The following RSPH1 variants were observed in gnomAD, a reference collection of about 807,000 sequenced individuals.
The protein encoded by RSPH1 is radial spoke head 1 homolog.
In RSPH1, 32 loss-of-function variants were observed where a neutral mutation model predicts 44.2. The observed-to-expected ratio is 0.72, with a 90% CI of 0.55 to 0.97. The LOEUF (loss-of-function observed/expected upper bound fraction) is 0.97, where lower values mean the gene tolerates loss of function less well. RSPH1 is among the 50% of genes least tolerant of loss of function. The pLI is 0.00. For synonymous variants in RSPH1, 134 were observed against 147.3 expected, an observed-to-expected ratio of 0.91 and a Z score of 0.65; for missense variants, 391 against 398.7, an observed-to-expected ratio of 0.98 and a Z score of 0.16.
chr21:42,484,922 C>G (rs904024717), intron 5 of RSPH1: 21 of 152,236 alleles, frequency 1.4e-4, no homozygotes, highest in African/African-American at 4.8e-4. Flanking sequence ...CTAAGAGAGT[C>G]TGAAGAGACT....
intron 8 of RSPH1, 33 bp downstream of exon 8, chr21:42,475,865 C>T: frequency 6.2e-7 from 1 of 1,605,358 alleles, no homozygotes; most frequent in South Asian, 1.1e-5. Context: ...TAAGTGCGGG[C>T]CCTCGCCCCA....
chr21:42,475,660 G>A (rs1434996118), intron 8 of RSPH1, among the ~76,000 whole-genome samples: 7 of 142,330 alleles, frequency 4.9e-5, no homozygotes, highest in African/African-American at 7.8e-5. Context: ...CTGTGACAAC[G>A]CGCATGGGCA....
intron 1 of RSPH1, chr21:42,495,915 C>T: frequency 3.6e-6 from 2 of 551,320 alleles, no homozygotes; most frequent in South Asian, 4.7e-5. Context: ...AAGAACGAGG[C>T]GGCATGTGGT....
intron 6 of RSPH1, 115 bp from the exon 7 acceptor site, chr21:42,477,559 G>T (rs1306975979): frequency 1.9e-6 from 2 of 1,046,562 alleles, no homozygotes; most frequent in African/African-American, 1.6e-5. Context: ...TTGTGTTTCA[G>T]CCTTTTTAGG....
At chr21:42,478,449 C>T (rs923700173) in intron 6 of RSPH1, among the ~76,000 whole-genome samples, 2 of 152,208 alleles carry the variant, frequency 1.3e-5, no homozygotes, top group African/African-American at 4.8e-5. Flanking sequence ...CTAGCCCCAC[C>T]CCCAGAGTTT....
chr21:42,477,576 C>T, intron 6 of RSPH1, 132 bp from the exon 7 acceptor site: 2 of 861,730 alleles, frequency 2.3e-6, no homozygotes, highest in Non-Finnish European at 3.7e-6. Context: ...TAGGACGTCA[C>T]TCAGGAATCA....
At chr21:42,477,816 C>T (rs900917857) in intron 6 of RSPH1, among the ~76,000 whole-genome samples, 5 of 152,114 alleles carry the variant, frequency 3.3e-5, no homozygotes, top group Admixed American at 6.5e-5. Flanking sequence ...TTCAATTGTT[C>T]GGCCACATTT....
At chr21:42,483,317 T>G (rs951909604) in intron 5 of RSPH1, among the ~76,000 whole-genome samples, 5 of 152,108 alleles carry the variant, frequency 3.3e-5, no homozygotes, top group Non-Finnish European at 7.4e-5. Flanking sequence ...GATACCATCC[T>G]TAAATTCTCA....
rs370195527 is a variant in RSPH1, at chr21:42,493,607, G to A, written c.55-528C>T. ...GACCTTTGCCCTGCAAGGAATTTCC[G>A]ATGGAAGGGACAGGTTGGAGGGCAC... On this transcript the variant is annotated intron_variant, in intron 1 of 8. Transcript: ENST00000291536. 1.5e-4 allele frequency among the ~76,000 whole-genome samples: 23 copies of A among 152,314 alleles called. 2 individuals are homozygous for A. Among genetic ancestry groups the A allele is most frequent in the Admixed American group, 2.6e-4 (4 of 15,308 alleles).
In RSPH1 at chr21:42,492,606, A is replaced by G. The variant is rs529221415; in HGVS notation, c.274+152T>C. The G allele has an allele frequency of 1.3e-5, 8 of 599,772 alleles. No homozygotes were observed. The East Asian group carries it at 2.2e-4, about 17-fold the overall frequency. 37.2% of individuals were successfully genotyped at this position (599,772 alleles called of 1,614,324 possible). A position where few individuals can be genotyped will look rare whatever the true frequency, so the allele number is the denominator to read the frequency against. On this transcript the variant is annotated intron_variant, in intron 3 of 8. Coordinates refer to ENST00000291536, the MANE Select transcript of RSPH1 (RefSeq NM_080860.4). ...AAGGCTTTCCTATTTCTGCATCAACACTGTGAATATAGTAACACGATCTGT... is the reference window on the plus strand; with the variant it reads ...AAGGCTTTCCTATTTCTGCATCAACGCTGTGAATATAGTAACACGATCTGT...
intron 6 of RSPH1, among the ~76,000 whole-genome samples, chr21:42,479,617 G>A (rs148902954): frequency 1.5e-3 from 224 of 152,224 alleles, no homozygotes; most frequent in African/African-American, 5.0e-3. Context: ...ACAGATGAGA[G>A]GTGTCCAACC....
chr21:42,476,131 TG>T, intron 7 of RSPH1, 84 bp from the exon 8 acceptor site: 1 of 1,421,122 alleles, frequency 7.0e-7, no homozygotes, highest in East Asian at 2.4e-5. Flanking sequence ...TCCCCTGGGC[TG>T]CCGTGCCCCC....
chr21:42,478,302 G>A (rs1032782423), intron 6 of RSPH1, among the ~76,000 whole-genome samples: 2 of 152,240 alleles, frequency 1.3e-5, no homozygotes, highest in African/African-American at 4.8e-5. Flanking sequence ...GAGTCACTGG[G>A]AAATCAATTA....
At chr21:42,488,956 C>T (rs1006286379) in intron 3 of RSPH1, among the ~76,000 whole-genome samples, 26 of 152,152 alleles carry the variant, frequency 1.7e-4, no homozygotes, top group African/African-American at 6.3e-4. Flanking sequence ...GAGGTTTTTT[C>T]CAACTATATT....
At chr21:42,482,520 A>C in intron 6 of RSPH1, 117 bp downstream of exon 6, 1 of 657,368 alleles carries the variant, frequency 1.5e-6, no homozygotes, top group Non-Finnish European at 2.6e-6. Flanking sequence ...AAAATGTGAA[A>C]GTGCCTAAGA....
At chr21:42,496,022 A>G in intron 1 of RSPH1, 111 bp downstream of exon 1, 3 of 1,206,600 alleles carry the variant, frequency 2.5e-6, no homozygotes, top group Non-Finnish European at 3.7e-6. Context: ...GATCCTGGGG[A>G]GCTGTGGCTC....
Position 42,472,601 on chromosome 21 carries a change from T to G in RSPH1, c.*217A>C. ...TAAAGATTGTTAACTGACAGAAGCA[T>G]TTTGTTTTTGTTTATTTTTTGAGAC... is the stretch of plus-strand genomic sequence containing the variant. On this transcript the variant is annotated 3_prime_UTR_variant, in exon 9 of 9. Coordinates refer to ENST00000291536, the MANE Select transcript of RSPH1 (RefSeq NM_080860.4). The G allele has an allele frequency of 2.3e-5, 9 of 399,304 alleles. No individual in the cohort carries two copies. The highest frequency in any genetic ancestry group is 8.2e-5 in the East Asian group (2 of 24,310). The allele number at this position is 399,304 out of a possible 1,614,324, so 24.7% of individuals were successfully genotyped here.
chr21:42,485,860 A>G, intron 4 of RSPH1, 56 bp from the exon 5 acceptor site: 6 of 1,609,440 alleles, frequency 3.7e-6, no homozygotes, highest in Non-Finnish European at 4.2e-6. Context: ...AAAATCTCCC[A>G]GGTTTAAAAC....
At chr21:42,476,954 C>T (rs1334968221) in intron 7 of RSPH1, among the ~76,000 whole-genome samples, 2 of 151,924 alleles carry the variant, frequency 1.3e-5, no homozygotes, top group African/African-American at 2.4e-5. Context: ...AAGGCGCCCA[C>T]ACCCTCCATC....
Sources: gnomAD v4.1 joint callset for allele counts (sites outside exome capture counted in the v4.1 genomes callset) on GRCh38, gnomAD v4.1.1 for gene constraint, MANE v1.5 for transcripts, NCBI Gene and HGNC (gene_info 2026-07-23, HGNC 2026-07-21) for gene names.